The following IGFBP3 variants were observed in gnomAD, a reference collection of about 807,000 sequenced individuals.
The protein encoded by IGFBP3 is insulin like growth factor binding protein 3.
Under a neutral mutation model 28.6 loss-of-function variants are expected in IGFBP3, and 9 were observed. That is an observed-to-expected ratio of 0.31 (90% CI 0.19 to 0.55). The LOEUF is 0.55. Among genes scored for constraint, IGFBP3 ranks in the 20% least tolerant of loss-of-function variants. The pLI is 0.93. For synonymous variants in IGFBP3, 185 were observed against 188.2 expected (o/e 0.98, Z 0.14); for missense variants, 382 against 428.9 (o/e 0.89, Z 0.97).
chr7:45,920,886 G>C lies in IGFBP3; in HGVS notation c.255C>G (p.Thr85=), dbSNP rs769686399. ...AGCGAAGGCCGGAGCCACAGCGCTC[G>C]GTGTAGATGCCGCACGGCTGGCCCT... The part of the protein sequence containing the change: ...LSEGQPCGIY[T]ERCGSGLRCQ... The change falls in exon 1 of 5, where the codon ACC becomes ACG. Residue 85 remains threonine (T), a synonymous_variant. Coordinates refer to ENST00000613132, the MANE Select transcript of IGFBP3 (RefSeq NM_000598.5). The C allele has an allele frequency of 1.4e-6, 2 of 1,430,478 alleles. No homozygotes were observed. The highest frequency in any genetic ancestry group is 9.1e-7 in the Non-Finnish European group (1 of 1,099,660). The allele number at this position is 1,430,478 out of a possible 1,614,324, so 88.6% of individuals were successfully genotyped here.
At position 45,917,426 on chromosome 7, in the gene IGFBP3, C is replaced by T; in HGVS notation, c.417G>A (p.Glu139=). The change falls in exon 2 of 5, where the codon GAG becomes GAA. Residue 139 remains glutamate (E), a synonymous_variant. Transcript: ENST00000613132. ...TGCCGGCGCTGCGGTCTTCCTCCGA[C>T]TCACTAGCATTTCCTTAAAACGCCC... ...PAPPAPGNAS[E]SEEDRSAGSV... is the part of the protein sequence containing the mutation. 6.2e-7 allele frequency: 1 copy of T among 1,610,438 alleles called. No individual in the cohort carries two copies. Among genetic ancestry groups the T allele is most frequent in the Non-Finnish European group, 8.5e-7 (1 of 1,177,842 alleles).
chr7:45,918,080 G>T lies in IGFBP3; in HGVS notation c.404-641C>A, dbSNP rs752674248. On this transcript the variant is annotated intron_variant, in intron 1 of 4. Transcript: ENST00000613132. ...TTTTGCCTCAGGGGCTCAGAATCAT[G>T]CAAGCATGTTGGTGGCTTGTTTTCT... is the stretch of plus-strand genomic sequence containing the variant. Among the ~76,000 whole-genome samples the T allele has an allele frequency of 2.6e-5, 4 of 152,218 alleles. No homozygotes were observed. In the East Asian group the frequency reaches 7.7e-4, roughly 29 times the overall value.
Position 45,920,927 on chromosome 7 carries a change from T to C in IGFBP3, c.214A>G (p.Thr72Ala). ...GGCTGGCCCTCGCTCAGTGCGCACG[T>C]CAGGCAGCAGCCGCAGCCCGGCTCG... ...VREPGCGCCL[T>A]CALSEGQPCG... Residue 72 changes from threonine to alanine, a missense_variant, in exon 1 of 5, where the codon ACG (threonine) becomes GCG (alanine). Coordinates refer to ENST00000613132, the MANE Select transcript of IGFBP3 (RefSeq NM_000598.5). 1 of 1,412,650 alleles carries C rather than the reference T, an allele frequency of 7.1e-7. No individual in the cohort carries two copies. Among genetic ancestry groups the C allele is most frequent in the South Asian group, 1.5e-5 (1 of 67,504 alleles). 87.5% of individuals were successfully genotyped at this position (1,412,650 alleles called of 1,614,324 possible).
rs1784595379 is a variant in IGFBP3 at position 45,915,301 on chromosome 7, C to T, written c.751-356G>A. The T allele has an allele frequency of 2.2e-5, 5 of 222,262 alleles. No homozygotes were observed. The East Asian group carries it at 3.7e-4, about 16-fold the overall frequency. 13.8% of individuals were successfully genotyped at this position (222,262 alleles called of 1,614,324 possible). The stretch of plus-strand genomic sequence containing the variant: ...GAATGTCACAGCTATGACTTTGGAG[C>T]CCACATCCAGCCTCACATGACACCT... On this transcript the variant is annotated intron_variant, in intron 3 of 4. Transcript: ENST00000613132.
At chr7:45,914,254 A>G (rs957368706) in intron 4 of IGFBP3, 2 of 152,144 alleles carry the variant, frequency 1.3e-5, no homozygotes, top group Non-Finnish European at 2.9e-5. Context: ...TTTTTCTATC[A>G]GATTTAAATT....
intron 1 of IGFBP3, chr7:45,920,318 G>A (rs2854747): frequency 0.59 from 112,583 of 192,158 alleles, 33,418 homozygotes; most frequent in East Asian, 0.76. Flanking sequence ...CAACGTGCCT[G>A]CCCACCTTCC....
At position 45,912,803 on chromosome 7, in the gene IGFBP3, A is replaced by G. The variant is rs1443124549; in HGVS notation, c.*1047T>C. ...AAGCATGAGAATGACTCTAAGTTCA[A>G]CAAACATGGGTGAATCTCTATGTGC... On this transcript the variant is annotated 3_prime_UTR_variant, in exon 5 of 5. Coordinates refer to ENST00000613132, the MANE Select transcript of IGFBP3 (RefSeq NM_000598.5). 6.5e-6 allele frequency: 1 copy of G among 152,674 alleles called. No individual in the cohort carries two copies. The highest frequency in any genetic ancestry group is 1.5e-5 in the Non-Finnish European group (1 of 68,054). The allele number at this position is 152,674 out of a possible 1,614,324, so 9.5% of individuals were successfully genotyped here. A position where few individuals can be genotyped will look rare whatever the true frequency, so the allele number is the denominator to read the frequency against.
At position 45,914,946 on chromosome 7, in the gene IGFBP3, C is replaced by T; in HGVS notation, c.751-1G>A. 1 of 1,613,996 alleles carries T rather than the reference C, an allele frequency of 6.2e-7. No individual in the cohort carries two copies. Among genetic ancestry groups the T allele is most frequent in the Non-Finnish European group, 8.5e-7 (1 of 1,179,968 alleles). ...GCTTCCTGCCTTTGGAAGGGCGACA[C>T]TGTGGGAGAGAAACAGAAGACAGAG... On this transcript the variant is annotated splice_acceptor_variant, in intron 3 of 4. Coordinates refer to ENST00000613132, the MANE Select transcript of IGFBP3 (RefSeq NM_000598.5). LOFTEE classifies it high-confidence loss of function.
At chr7:45,916,969 G>A in intron 2 of IGFBP3, 1 of 575,206 alleles carries the variant, frequency 1.7e-6, no homozygotes, top group Middle Eastern at 4.6e-4. Context: ...ATCTGCAGAG[G>A]TCTTTATGAC....
At chr7:45,917,191 T>C (rs1327966670) in intron 2 of IGFBP3, 22 bp downstream of exon 2, 1 of 1,588,860 alleles carries the variant, frequency 6.3e-7, no homozygotes, top group Non-Finnish European at 8.6e-7. Flanking sequence ...CCTCCTCCTT[T>C]AACAAGAGGA....
Position 45,917,295 on chromosome 7 carries a change from C to T in IGFBP3, c.548G>A (p.Ser183Asn), listed in dbSNP as rs1233175031. Reference sequence around the variant, plus strand: ...CTCGTAGTCAACTTTGTAGCGCTGGCTGTCTTTAGCATGCCCTTTCTTGAT... The same window carrying T: ...CTCGTAGTCAACTTTGTAGCGCTGGTTGTCTTTAGCATGCCCTTTCTTGAT... The part of the protein sequence containing the change: ...IIIKKGHAKD[S>N]QRYKVDYESQ... The change falls in exon 2 of 5, where the codon AGC becomes AAC. Residue 183 changes from serine (S) to asparagine (N), a missense_variant. By Grantham distance (46) the Ser-to-Asn change is conservative. Transcript: ENST00000613132. 1.2e-6 allele frequency: 2 copies of T among 1,613,996 alleles called. No individual in the cohort carries two copies. The highest frequency in any genetic ancestry group is 1.7e-5 in the Admixed American group (1 of 59,998).
chr7:45,914,662 A>ATTTGC, intron 4 of IGFBP3, 143 bp downstream of exon 4: 1 of 717,106 alleles, frequency 1.4e-6, no homozygotes. Flanking sequence ...GCTCTGTCCT[A>ATTTGC]TTTGCTTTGC....
intron 2 of IGFBP3, 98 bp downstream of exon 2, chr7:45,917,115 G>A (rs550430206): frequency 2.0e-5 from 19 of 960,032 alleles, no homozygotes; most frequent in Non-Finnish European, 2.6e-5. Context: ...TCAGCCAGGC[G>A]CTGGGGTTTG....
chr7:45,917,147 G>A, intron 2 of IGFBP3, 66 bp downstream of exon 2: 1 of 1,334,954 alleles, frequency 7.5e-7, no homozygotes, highest in South Asian at 1.2e-5. Flanking sequence ...TTGCCCTCAA[G>A]AGGCTCTGAG....
Position 45,914,935 on chromosome 7 carries a change from G to T in IGFBP3, c.761C>A (p.Ser254Tyr). ...GCAGAAGCCCCGCTTCCTGCCTTTGGAAGGGCGACACTGTGGGAGAGAAAC... is the reference window on the plus strand; with the variant it reads ...GCAGAAGCCCCGCTTCCTGCCTTTGTAAGGGCGACACTGTGGGAGAGAAAC... ...GFYKKKQCRP[S>Y]KGRKRGFCWC... The change falls in exon 4 of 5, where the codon TCC (serine) becomes TAC (tyrosine). Residue 254 changes from serine to tyrosine, a missense_variant. By Grantham distance (144) the Ser-to-Tyr change is moderately radical. Transcript: ENST00000613132. 6.2e-7 allele frequency: 1 copy of T among 1,614,078 alleles called. No individual in the cohort carries two copies. Among genetic ancestry groups the T allele is most frequent in the South Asian group, 1.1e-5 (1 of 91,078 alleles).
At chr7:45,917,173 G>A in intron 2 of IGFBP3, 40 bp downstream of exon 2, 1 of 1,514,914 alleles carries the variant, frequency 6.6e-7, no homozygotes, top group South Asian at 1.1e-5. Context: ...AGGCTTGGCA[G>A]GTCTTGCCCT....
intron 3 of IGFBP3, among the ~76,000 whole-genome samples, chr7:45,916,229 T>G (rs1022379445): frequency 4.6e-5 from 7 of 152,228 alleles, no homozygotes; most frequent in African/African-American, 1.7e-4. Flanking sequence ...TGTGTTAACA[T>G]GTCCACTTGC....
chr7:45,917,221 T>A lies in IGFBP3; in HGVS notation c.622A>T (p.Thr208Ser). ...QNFSSESKRE[T>S]EYGPCRREME... The stretch of plus-strand genomic sequence containing the variant: ...AGAGGAAAAGCTCTCACATATTCTG[T>A]CTCCCGCTTGGACTCGGAGGAGAAG... The change falls in exon 2 of 5, where the codon ACA (threonine) becomes TCA (serine). Residue 208 changes from threonine (T) to serine (S), a missense_variant. Transcript: ENST00000613132. 1 of 1,612,118 alleles carries A rather than the reference T, an allele frequency of 6.2e-7. No homozygotes were observed. Among genetic ancestry groups the A allele is most frequent in the Non-Finnish European group, 8.5e-7 (1 of 1,178,292 alleles).
Position 45,921,251 on chromosome 7 carries a change from C to T in IGFBP3, c.-111G>A. ...GGCAGGAAGCGGCTGATCCTCAGCG[C>T]CCAGCCGCAGTGCTCGCATCTGGGC... On this transcript the variant is annotated 5_prime_UTR_variant, in exon 1 of 5. Coordinates refer to ENST00000613132, the MANE Select transcript of IGFBP3 (RefSeq NM_000598.5). 1 of 1,309,356 alleles carries T rather than the reference C, an allele frequency of 7.6e-7. No individual in the cohort carries two copies. The highest frequency in any genetic ancestry group is 1.0e-6 in the Non-Finnish European group (1 of 956,082). 81.1% of individuals were successfully genotyped at this position (1,309,356 alleles called of 1,614,324 possible).
Sources: allele counts gnomAD v4.1 joint callset (sites outside exome capture counted in the v4.1 genomes callset), GRCh38; gene constraint gnomAD v4.1.1; transcripts MANE v1.5; gene names NCBI Gene and HGNC (gene_info 2026-07-23, HGNC 2026-07-21).